SGCD: variants seen among roughly 807,000 people sequenced by gnomAD.
The protein encoded by SGCD is sarcoglycan delta.
Under a neutral mutation model 36.6 loss-of-function variants are expected in SGCD, and 18 were observed. That is an observed-to-expected ratio of 0.49 (90% CI 0.34 to 0.73). The LOEUF is 0.73. Ranked by LOEUF, SGCD falls within the 30% of genes least tolerant of loss-of-function variation. SGCD has a pLI of 0.01. For missense variants in SGCD, 387 were observed against 346.7 expected (o/e 1.12, Z -0.92); for synonymous variants, 133 against 130.6 (o/e 1.02, Z -0.12).
intron 1 of SGCD, among the ~76,000 whole-genome samples, chr5:155,875,288 T>A (rs1481562897): frequency 6.6e-6 from 1 of 152,126 alleles, no homozygotes; most frequent in African/African-American, 2.4e-5. Context: ...ATGGATATGT[T>A]CATCATCCTC....
At chr5:156,263,251 C>T (rs887388127) in intron 3 of SGCD, among the ~76,000 whole-genome samples, 2 of 151,906 alleles carry the variant, frequency 1.3e-5, no homozygotes, top group African/African-American at 2.4e-5. Context: ...CCCTTTTCAC[C>T]GAATCCTTGC....
At chr5:156,561,653 T>A (rs993663735) in intron 4 of SGCD, among the ~76,000 whole-genome samples, 1 of 152,160 alleles carries the variant, frequency 6.6e-6, no homozygotes, top group African/African-American at 2.4e-5. Context: ...ACTTAAGTGG[T>A]TTTTCAGTGT....
intron 7 of SGCD, among the ~76,000 whole-genome samples, chr5:156,682,015 C>T (rs1348883915): frequency 6.6e-6 from 1 of 152,170 alleles, no homozygotes; most frequent in Non-Finnish European, 1.5e-5. Context: ...ATAACATGTT[C>T]TCAGCCACTG....
chr5:156,229,841 A>G (rs962965989), intron 3 of SGCD, among the ~76,000 whole-genome samples: 4 of 152,074 alleles, frequency 2.6e-5, no homozygotes, highest in Non-Finnish European at 5.9e-5. Context: ...ACTTCTTGGA[A>G]GCTTTGTTCA....
At chr5:156,459,897 A>G (rs973744173) in intron 3 of SGCD, among the ~76,000 whole-genome samples, 2 of 152,138 alleles carry the variant, frequency 1.3e-5, no homozygotes, top group African/African-American at 4.8e-5. Context: ...GAAAGATTTC[A>G]TGCTCATTTA....
At chr5:156,296,211 C>A (rs1766889504) in intron 3 of SGCD, among the ~76,000 whole-genome samples, 1 of 152,134 alleles carries the variant, frequency 6.6e-6, no homozygotes, top group Non-Finnish European at 1.5e-5. Flanking sequence ...TGGAGAAGGT[C>A]AAGTGGGTTG....
chr5:156,573,207 G>C (rs1352677766), intron 4 of SGCD, among the ~76,000 whole-genome samples: 2 of 152,162 alleles, frequency 1.3e-5, no homozygotes, highest in African/African-American at 4.8e-5. Flanking sequence ...AGACTCAGCA[G>C]TCTTAGAGTA....
intron 6 of SGCD, among the ~76,000 whole-genome samples, chr5:156,616,781 A>G (rs73299189): frequency 0.036 from 5,421 of 152,266 alleles, 324 homozygotes; most frequent in African/African-American, 0.12. Flanking sequence ...TACATCAGGA[A>G]TTGGTCAACT....
chr5:156,366,128 A>T (rs1415490596), intron 3 of SGCD, among the ~76,000 whole-genome samples: 23 of 152,218 alleles, frequency 1.5e-4, no homozygotes, highest in Admixed American at 1.5e-3. Flanking sequence ...CAGTGCCCCC[A>T]TGGGTGCTCC....
At chr5:156,024,231 C>T (rs959051249) in intron 1 of SGCD, among the ~76,000 whole-genome samples, 16 of 151,934 alleles carry the variant, frequency 1.1e-4, no homozygotes, top group African/African-American at 3.6e-4. Flanking sequence ...GCAATGTGTG[C>T]TTTGATGGAG....
intron 6 of SGCD, among the ~76,000 whole-genome samples, chr5:156,608,162 C>T (rs1245333246): frequency 6.6e-6 from 1 of 152,122 alleles, no homozygotes; most frequent in Non-Finnish European, 1.5e-5. Flanking sequence ...ATCTTTCCTG[C>T]TTTCTCTTGT....
At chr5:155,738,895 G>T in the SGCD span, among the ~76,000 whole-genome samples, 1 of 151,290 alleles carries the variant, frequency 6.6e-6, no homozygotes, top group African/African-American at 2.4e-5. Flanking sequence ...GTGTGTGAGT[G>T]TGTGAGAGAG....
intron 3 of SGCD, among the ~76,000 whole-genome samples, chr5:156,253,080 T>C (rs1194976322): frequency 2.0e-5 from 3 of 152,162 alleles, no homozygotes; most frequent in Admixed American, 6.5e-5. Flanking sequence ...AAAATGTGTG[T>C]GTTGGGAGTG....
intron 3 of SGCD, among the ~76,000 whole-genome samples, chr5:156,247,036 T>G (rs1054144433): frequency 1.3e-5 from 2 of 152,250 alleles, no homozygotes; most frequent in Admixed American, 1.3e-4. Context: ...TCTTTTCATT[T>G]GCAGCGCTTC....
intron 4 of SGCD, among the ~76,000 whole-genome samples, chr5:156,578,488 G>T (rs1408405357): frequency 2.0e-5 from 3 of 152,166 alleles, no homozygotes; most frequent in African/African-American, 7.2e-5. Context: ...CAGAAGGAAT[G>T]GTACCAGCTC....
intron 1 of SGCD, among the ~76,000 whole-genome samples, chr5:156,036,123 A>G (rs1026032073): frequency 1.3e-5 from 2 of 152,168 alleles, no homozygotes; most frequent in Admixed American, 1.3e-4. Context: ...TTACAGAGCT[A>G]GCTAATCACA....
rs1764870541 is a variant in SGCD, at chr5:156,226,765, T to TA, written c.-44+102746_-44+102747insA. 2.0e-5 allele frequency among the ~76,000 whole-genome samples: 3 copies of TA among 150,066 alleles called. No individual in the cohort carries two copies. In the Admixed American group the frequency reaches 2.0e-4, roughly 10 times the overall value. On this transcript the variant is annotated intron_variant, in intron 3 of 9. Transcript: ENST00000517913. ...AACATCTACATCTACTATTTTTAGATTTTTTTTTTATTCTTACCATTCTTG... is the reference window on the plus strand; with the variant it reads ...AACATCTACATCTACTATTTTTAGATATTTTTTTTTATTCTTACCATTCTTG...
chr5:156,028,480 G>T (rs1425460539), intron 1 of SGCD, among the ~76,000 whole-genome samples: 1 of 152,074 alleles, frequency 6.6e-6, no homozygotes, highest in East Asian at 1.9e-4. Context: ...TATGTAAAAT[G>T]ATAGCAATAA....
intron 1 of SGCD, among the ~76,000 whole-genome samples, chr5:156,068,787 G>C: frequency 6.6e-6 from 1 of 151,732 alleles, no homozygotes. Context: ...AGCACCTGTT[G>C]TTTCCTGACT....
Sources: gnomAD v4.1 joint callset for allele counts (sites outside exome capture counted in the v4.1 genomes callset) on GRCh38, gnomAD v4.1.1 for gene constraint, MANE v1.5 for transcripts, NCBI Gene and HGNC (gene_info 2026-07-23, HGNC 2026-07-21) for gene names.